OR10J1: variants seen among roughly 807,000 people sequenced by gnomAD.
OR10J1 encodes olfactory receptor family 10 subfamily J member 1.
For synonymous variants in OR10J1, 202 were observed against 143.8 expected, an observed-to-expected ratio of 1.40 and a Z score of -2.89; for missense variants, 474 against 376.6, an observed-to-expected ratio of 1.26 and a Z score of -2.14.
At chr1:159,423,866 AC>A in the OR10J1 span, among the ~76,000 whole-genome samples, 1 of 152,102 alleles carries the variant, frequency 6.6e-6, no homozygotes, top group Non-Finnish European at 1.5e-5. Context: ...CAAGAAACAC[AC>A]CCAGAACTTT....
At chr1:159,410,907 G>C in the OR10J1 span, among the ~76,000 whole-genome samples, 76,729 of 147,638 alleles carry the variant, frequency 0.52, 20,923 homozygotes, top group East Asian at 0.73. Flanking sequence ...TGTCTTTGTT[G>C]TCATTGGTTT....
At chr1:159,404,020 A>G in the OR10J1 span, among the ~76,000 whole-genome samples, 4 of 152,162 alleles carry the variant, frequency 2.6e-5, no homozygotes, top group Non-Finnish European at 5.9e-5. Context: ...GCACAGGAAG[A>G]CAAACATTGC....
At chr1:159,438,587 C>A (rs1475125816), upstream of OR10J1, among the ~76,000 whole-genome samples, 7 of 152,174 alleles carry the variant, frequency 4.6e-5, no homozygotes, top group Non-Finnish European at 1.0e-4. Context: ...TTCTCTATTG[C>A]AGCTTTACTT....
the OR10J1 span, among the ~76,000 whole-genome samples, chr1:159,420,142 C>T: frequency 6.6e-6 from 1 of 151,980 alleles, no homozygotes; most frequent in African/African-American, 2.4e-5. Context: ...ATAGTTTTTT[C>T]CTGCTCACTT....
upstream of OR10J1, chr1:159,432,876 C>G (rs1342845425): frequency 7.2e-6 from 3 of 416,550 alleles, no homozygotes; most frequent in African/African-American, 4.1e-5. Context: ...ATTGTCACCA[C>G]CATCCTCAAG....
At chr1:159,406,661 A>G in the OR10J1 span, among the ~76,000 whole-genome samples, 1 of 152,142 alleles carries the variant, frequency 6.6e-6, no homozygotes. Context: ...CTTGACCATT[A>G]AAGAGGTGGG....
the OR10J1 span, among the ~76,000 whole-genome samples, chr1:159,431,050 T>C: frequency 6.6e-6 from 1 of 152,180 alleles, no homozygotes; most frequent in African/African-American, 2.4e-5. Context: ...CTTCCAAGCC[T>C]ACATTGTGTT....
At chr1:159,438,535 A>G (rs986669325), upstream of OR10J1, among the ~76,000 whole-genome samples, 13 of 152,254 alleles carry the variant, frequency 8.5e-5, no homozygotes, top group African/African-American at 3.1e-4. Context: ...ATGTCTTTAG[A>G]CATATATTTT....
chr1:159,399,570 CAAAA>C, the OR10J1 span, among the ~76,000 whole-genome samples: 5 of 56,118 alleles, frequency 8.9e-5, no homozygotes, highest in African/African-American at 7.3e-5. Context: ...GATTCTGTCT[CAAAA>C]AAAAAAAAAA....
the OR10J1 span, among the ~76,000 whole-genome samples, chr1:159,422,507 T>C: frequency 7.2e-5 from 11 of 151,886 alleles, no homozygotes. Context: ...GATGCAGGGG[T>C]CTCTGCCCAT....
the OR10J1 span, among the ~76,000 whole-genome samples, chr1:159,417,023 A>G: frequency 6.6e-6 from 1 of 151,976 alleles, no homozygotes; most frequent in African/African-American, 2.4e-5. Context: ...ATCTATTAAA[A>G]ACATTTCATT....
At position 159,440,845 on chromosome 1, in the gene OR10J1, C is replaced by T; in HGVS notation, c.*124C>T. On this transcript the variant is annotated 3_prime_UTR_variant, in exon 1 of 1. Transcript: ENST00000423932. ...TAAATAAGAGGCAAAAGAGGAATAG[C>T]AGTTTCATACAACTGGGAGTCTGAA... 1.0e-6 allele frequency: 1 copy of T among 976,592 alleles called. No homozygotes were observed. The highest frequency in any genetic ancestry group is 1.5e-6 in the Non-Finnish European group (1 of 668,854). The allele number at this position is 976,592 out of a possible 1,614,324, so 60.5% of individuals were successfully genotyped here. A position where few individuals can be genotyped will look rare whatever the true frequency, so the allele number is the denominator to read the frequency against.
At chr1:159,424,072 CG>C in the OR10J1 span, among the ~76,000 whole-genome samples, 33 of 151,690 alleles carry the variant, frequency 2.2e-4, no homozygotes, top group African/African-American at 7.3e-4. Flanking sequence ...AAAAATTAGC[CG>C]GGTGAGGTGG....
chr1:159,438,695 C>A (rs535931524), upstream of OR10J1, among the ~76,000 whole-genome samples: 10 of 152,202 alleles, frequency 6.6e-5, no homozygotes, highest in Non-Finnish European at 1.0e-4. Context: ...TGCGTACTAA[C>A]CTTCATCATT....
At chr1:159,418,679 A>T in the OR10J1 span, among the ~76,000 whole-genome samples, 1 of 152,352 alleles carries the variant, frequency 6.6e-6, no homozygotes, top group East Asian at 1.9e-4. Context: ...TTACTGGGAC[A>T]CTGGCTAGTG....
At chr1:159,404,889 A>G in the OR10J1 span, among the ~76,000 whole-genome samples, 3 of 152,188 alleles carry the variant, frequency 2.0e-5, no homozygotes, top group Non-Finnish European at 4.4e-5. Context: ...GTGAAATCCT[A>G]TATGTGAAAC....
chr1:159,421,506 C>A, the OR10J1 span, among the ~76,000 whole-genome samples: 1 of 152,104 alleles, frequency 6.6e-6, no homozygotes, highest in Non-Finnish European at 1.5e-5. Flanking sequence ...ACATCTGGTG[C>A]AATAGTTGCT....
upstream of OR10J1, among the ~76,000 whole-genome samples, chr1:159,438,419 C>T (rs1425174482): frequency 6.6e-6 from 1 of 152,224 alleles, no homozygotes; most frequent in Admixed American, 6.5e-5. Flanking sequence ...ATTATTGTAA[C>T]AGTTAAAAGC....
the OR10J1 span, among the ~76,000 whole-genome samples, chr1:159,425,453 C>T: frequency 6.6e-6 from 1 of 151,910 alleles, no homozygotes; most frequent in African/African-American, 2.4e-5. Flanking sequence ...TAAATATGAC[C>T]TGGGGAGATT....
Sources: gnomAD v4.1 joint callset for allele counts (sites outside exome capture counted in the v4.1 genomes callset) on GRCh38, gnomAD v4.1.1 for gene constraint, MANE v1.5 for transcripts, NCBI Gene and HGNC (gene_info 2026-07-23, HGNC 2026-07-21) for gene names.